GPM6A: variants seen among roughly 807,000 people sequenced by gnomAD.
GPM6A encodes the protein neuronal membrane glycoprotein M6-a.
In GPM6A, 7 loss-of-function variants were observed where a neutral mutation model predicts 32.1. That is an observed-to-expected ratio of 0.22 (90% CI 0.12 to 0.41). GPM6A has a LOEUF of 0.41. Among genes scored for constraint, GPM6A ranks in the 10% least tolerant of loss-of-function variants. GPM6A has a pLI of 1.00. For synonymous variants in GPM6A, 130 were observed against 123.4 expected, an observed-to-expected ratio of 1.05 and a Z score of -0.35; for missense variants, 235 against 347.2, an observed-to-expected ratio of 0.68 and a Z score of 2.57.
In GPM6A at chr4:175,701,727, G is replaced by A. The variant is rs11545191; in HGVS notation, c.78C>T (p.Pro26=). ...GGATGGTGGCAATCAGAGAGGCATA[G>A]GGAATGCCCCCCAGGCATTTGATAC... The part of the protein sequence containing the change: ...ECCIKCLGGI[P]YASLIATILL... Residue 26 remains proline, a synonymous_variant, in exon 2 of 7, where the codon CCC becomes CCT. Coordinates refer to ENST00000393658, the MANE Select transcript of GPM6A (RefSeq NM_201591.3). The A allele has an allele frequency of 1.2e-6, 2 of 1,613,570 alleles. No individual in the cohort carries two copies. The highest frequency in any genetic ancestry group is 1.7e-6 in the Non-Finnish European group (2 of 1,179,524).
chr4:175,693,600 C>T (rs34642585), intron 2 of GPM6A, among the ~76,000 whole-genome samples: 25,248 of 151,900 alleles, frequency 0.17, 2,729 homozygotes, highest in Non-Finnish European at 0.23. Context: ...TTGGAAAGTT[C>T]TTTATATGAT....
rs1290298622 is a variant in GPM6A at position 175,633,718 on chromosome 4, A to G, written c.*1187T>C. On this transcript the variant is annotated 3_prime_UTR_variant, in exon 7 of 7. Transcript: ENST00000393658. ...TGATACAGGTACTTTTTATAAATGA[A>G]TATGAATGAACATTCGGTTAAAATG... 1.3e-5 allele frequency: 2 copies of G among 152,536 alleles called. No homozygotes were observed. The highest frequency in any genetic ancestry group is 3.9e-4 in the East Asian group (2 of 5,194). The allele number at this position is 152,536 out of a possible 1,614,324, so 9.4% of individuals were successfully genotyped here.
chr4:175,787,622 T>A (rs1579500569), intron 1 of GPM6A: 2 of 1,313,442 alleles, frequency 1.5e-6, no homozygotes, highest in East Asian at 6.1e-5. Flanking sequence ...ACAACCCATG[T>A]ATCTAATTGC....
At chr4:175,913,930 A>G (rs1478283180) in intron 1 of GPM6A, among the ~76,000 whole-genome samples, 1 of 152,192 alleles carries the variant, frequency 6.6e-6, no homozygotes, top group East Asian at 1.9e-4. Flanking sequence ...CTCACCATTG[A>G]CATCATCAAT....
chr4:175,919,753 T>C (rs544743803), intron 1 of GPM6A, among the ~76,000 whole-genome samples: 2 of 152,280 alleles, frequency 1.3e-5, no homozygotes, highest in South Asian at 4.2e-4. Flanking sequence ...TGAAGCTGGG[T>C]ACAGTTATTG....
chr4:175,729,053 T>G (rs1374154340), intron 1 of GPM6A, among the ~76,000 whole-genome samples: 2 of 152,192 alleles, frequency 1.3e-5, no homozygotes, highest in East Asian at 3.9e-4. Context: ...TGTGCTTTAC[T>G]GGTTTCCTTA....
At chr4:175,823,168 A>C (rs1001710677) in intron 1 of GPM6A, among the ~76,000 whole-genome samples, 1 of 152,164 alleles carries the variant, frequency 6.6e-6, no homozygotes, top group African/African-American at 2.4e-5. Context: ...CTGAGATTTG[A>C]ATTTTGGTTT....
At chr4:175,974,360 C>T (rs943222849) in intron 1 of GPM6A, among the ~76,000 whole-genome samples, 6 of 150,966 alleles carry the variant, frequency 4.0e-5, no homozygotes, top group South Asian at 2.1e-4. Flanking sequence ...TTTGTTTGAT[C>T]GATTGTTTGT....
chr4:175,733,854 G>GTCTT (rs1223422736), intron 1 of GPM6A, among the ~76,000 whole-genome samples: 7 of 152,040 alleles, frequency 4.6e-5, no homozygotes, highest in African/African-American at 1.7e-4. Context: ...CTCTAAAATG[G>GTCTT]TCTTTTAACG....
At chr4:175,795,390 T>C (rs1734178925) in intron 1 of GPM6A, among the ~76,000 whole-genome samples, 1 of 152,196 alleles carries the variant, frequency 6.6e-6, no homozygotes, top group African/African-American at 2.4e-5. Context: ...GCTGCACTTT[T>C]TGACTTGCTT....
At chr4:175,751,874 T>C (rs1397451184) in intron 1 of GPM6A, among the ~76,000 whole-genome samples, 2 of 152,098 alleles carry the variant, frequency 1.3e-5, no homozygotes, top group African/African-American at 4.8e-5. Context: ...GAAAATATAA[T>C]TGAGGGAGCA....
At chr4:175,681,165 G>T (rs529930632) in intron 2 of GPM6A, among the ~76,000 whole-genome samples, 1 of 152,112 alleles carries the variant, frequency 6.6e-6, no homozygotes, top group African/African-American at 2.4e-5. Flanking sequence ...GTTTTGTTAC[G>T]TATTGCCAAT....
upstream of GPM6A, among the ~76,000 whole-genome samples, chr4:175,816,873 T>TA (rs1482114574): frequency 6.6e-6 from 1 of 152,150 alleles, no homozygotes; most frequent in Non-Finnish European, 1.5e-5. Flanking sequence ...TTTTTATTTT[T>TA]TTTTTGAGAC....
chr4:175,783,685 A>T (rs1733693117), intron 1 of GPM6A, among the ~76,000 whole-genome samples: 1 of 152,004 alleles, frequency 6.6e-6, no homozygotes, highest in African/African-American at 2.4e-5. Context: ...ATTTGAATTT[A>T]TATAGATTGA....
At chr4:175,870,311 A>G (rs1361084845) in intron 1 of GPM6A, among the ~76,000 whole-genome samples, 1 of 152,062 alleles carries the variant, frequency 6.6e-6, no homozygotes, top group Non-Finnish European at 1.5e-5. Context: ...TCAAACAACA[A>G]TGCATTATTA....
At chr4:175,651,622 G>A (rs778067871) in intron 4 of GPM6A, among the ~76,000 whole-genome samples, 4 of 152,072 alleles carry the variant, frequency 2.6e-5, no homozygotes, top group Non-Finnish European at 5.9e-5. Flanking sequence ...ATATACATGT[G>A]TATATGTTGT....
chr4:175,791,389 A>C (rs1397194580), intron 1 of GPM6A, among the ~76,000 whole-genome samples: 2 of 152,190 alleles, frequency 1.3e-5, no homozygotes, highest in East Asian at 3.9e-4. Context: ...TGCAAATAGG[A>C]AAATTAAGGT....
chr4:175,761,094 G>A (rs1732718907), intron 1 of GPM6A, among the ~76,000 whole-genome samples: 1 of 104,232 alleles, frequency 9.6e-6, no homozygotes, highest in Non-Finnish European at 2.1e-5. Flanking sequence ...CACAGTCTCA[G>A]AGTCACTAGT....
rs573224201 is a variant in GPM6A, at chr4:175,827,432, AAC to A, written c.-22-15185_-22-15184del. The stretch of plus-strand genomic sequence containing the variant: ...ATTATCCCCACTTCGCAGCTAAAGA[AAC>A]ACAGAAACAGAACAAGTGACTTGTT... On this transcript the variant is annotated intron_variant, in intron 1 of 7. Transcript: ENST00000280187. Among the ~76,000 whole-genome samples the A allele has an allele frequency of 8.5e-5, 13 of 152,288 alleles. No individual in the cohort carries two copies. The South Asian group carries it at 2.7e-3, about 32-fold the overall frequency.
Sources: allele counts gnomAD v4.1 joint callset (sites outside exome capture counted in the v4.1 genomes callset), GRCh38; gene constraint gnomAD v4.1.1; transcripts MANE v1.5; gene names NCBI Gene and HGNC (gene_info 2026-07-23, HGNC 2026-07-21).